JAK1: variants seen among roughly 807,000 people sequenced by gnomAD.
JAK1 encodes the protein Janus kinase 1.
JAK1 carries 16 observed loss-of-function variants against 136.6 expected under a neutral mutation model. The ratio of observed to expected loss-of-function variants is 0.12; its 90% CI spans 0.08 to 0.18. The LOEUF is 0.18. JAK1 is among the 10% of genes least tolerant of loss of function. The probability of loss-of-function intolerance (pLI) is 1.00; values close to 1 mark genes in which losing one functional copy is unlikely to be tolerated. For synonymous variants in JAK1, 492 were observed against 519.5 expected, an observed-to-expected ratio of 0.95 and a Z score of 0.72; for missense variants, 859 against 1,450.1, an observed-to-expected ratio of 0.59 and a Z score of 6.62.
At chr1:64,861,893 G>A (rs527300472) in intron 8 of JAK1, among the ~76,000 whole-genome samples, 14 of 152,018 alleles carry the variant, frequency 9.2e-5, no homozygotes, top group South Asian at 2.1e-4. Context: ...AATTCAAGAT[G>A]CTCTGAACAA....
intron 1 of JAK1, among the ~76,000 whole-genome samples, chr1:65,049,516 CT>C (rs981395663): frequency 3.3e-5 from 5 of 152,162 alleles, no homozygotes; most frequent in African/African-American, 7.2e-5. Flanking sequence ...AGGTTGGTCC[CT>C]AGAAGAACCA....
intron 2 of JAK1, chr1:64,989,541 G>A (rs564216308): frequency 3.3e-5 from 3 of 89,770 alleles, no homozygotes; most frequent in South Asian, 3.3e-4. Flanking sequence ...TGTGTAGATC[G>A]GTTTTAACCT....
chr1:65,032,992 G>C (rs187606462), intron 2 of JAK1, among the ~76,000 whole-genome samples: 1 of 152,188 alleles, frequency 6.6e-6, no homozygotes, highest in Non-Finnish European at 1.5e-5. Context: ...TGAGCTATTA[G>C]CGAGACTTCC....
chr1:64,840,226 G>A (rs532278675), intron 19 of JAK1, among the ~76,000 whole-genome samples: 20 of 152,310 alleles, frequency 1.3e-4, no homozygotes, highest in African/African-American at 2.4e-4. Flanking sequence ...ACCTGACAGC[G>A]ACAGTGGTGG....
chr1:64,917,112 C>T (rs946951105), intron 1 of JAK1, among the ~76,000 whole-genome samples: 2 of 151,946 alleles, frequency 1.3e-5, no homozygotes, highest in African/African-American at 4.8e-5. Context: ...AATTTCATAA[C>T]ATTGGAAACA....
intron 1 of JAK1, among the ~76,000 whole-genome samples, chr1:64,902,981 T>C (rs1235653085): frequency 6.6e-6 from 1 of 152,170 alleles, no homozygotes; most frequent in African/African-American, 2.4e-5. Context: ...CCCGTTTTCT[T>C]AATTCCTTCT....
At chr1:64,915,141 T>C (rs1330883140) in intron 1 of JAK1, among the ~76,000 whole-genome samples, 2 of 152,144 alleles carry the variant, frequency 1.3e-5, no homozygotes, top group Non-Finnish European at 2.9e-5. Flanking sequence ...CCAGCTAAAA[T>C]GGCAGATTGA....
chr1:64,893,035 A>C (rs1423949447), intron 1 of JAK1, among the ~76,000 whole-genome samples: 1 of 152,162 alleles, frequency 6.6e-6, no homozygotes, highest in Admixed American at 6.5e-5. Flanking sequence ...AGAGGACACA[A>C]GGGCCATGCT....
chr1:65,045,343 G>GAGA (rs1237154525), intron 1 of JAK1, among the ~76,000 whole-genome samples: 1 of 152,130 alleles, frequency 6.6e-6, no homozygotes, highest in African/African-American at 2.4e-5. Context: ...TTCTGCTTAG[G>GAGA]TAATTTGGTC....
chr1:65,027,195 C>T (rs979286478), intron 2 of JAK1, among the ~76,000 whole-genome samples: 5 of 151,502 alleles, frequency 3.3e-5, no homozygotes, highest in Non-Finnish European at 5.9e-5. Flanking sequence ...TACAGGTGCA[C>T]ACCACCACAC....
In JAK1 at chr1:64,857,725, G is replaced by A. The variant is rs372716571; in HGVS notation, c.1389C>T (p.Tyr463=). Residue 463 remains tyrosine (Y), a synonymous_variant, in exon 10 of 25, where the codon TAC becomes TAT. Transcript: ENST00000342505. ...AGTCGGTGCAGCTCCACCTCAGCAC[G>A]TACATCCCCTCCTCGCTTCCTTCTT... ...LRQEGSEEGM[Y]VLRWSCTDFD... is the part of the protein sequence containing the mutation. The A allele has an allele frequency of 1.3e-4, 215 of 1,614,048 alleles. No homozygotes were observed. The highest frequency in any genetic ancestry group is 1.7e-4 in the Non-Finnish European group (197 of 1,180,026).
intron 24 of JAK1, among the ~76,000 whole-genome samples, chr1:64,835,126 A>G (rs1420375205): frequency 6.6e-6 from 1 of 152,216 alleles, no homozygotes; most frequent in Non-Finnish European, 1.5e-5. Flanking sequence ...CTAAGGCTAC[A>G]CCAAAACCTG....
chr1:65,039,424 T>A (rs1340335797), intron 2 of JAK1, among the ~76,000 whole-genome samples: 1 of 152,192 alleles, frequency 6.6e-6, no homozygotes, highest in Non-Finnish European at 1.5e-5. Flanking sequence ...TTATATGTGT[T>A]ATTTAGTCCT....
At chr1:64,928,807 A>AAAAAAAAAAAAAC in intron 1 of JAK1, among the ~76,000 whole-genome samples, 1 of 149,406 alleles carries the variant, frequency 6.7e-6, no homozygotes, top group Non-Finnish European at 1.5e-5. Context: ...CAAAAAAAAA[A>AAAAAAAAAAAAAC]AACTCTGCAA....
At chr1:64,842,974 C>T (rs577051518) in intron 17 of JAK1, among the ~76,000 whole-genome samples, 27 of 152,250 alleles carry the variant, frequency 1.8e-4, no homozygotes, top group African/African-American at 5.3e-4. Context: ...CTGAGAGACT[C>T]GGGGCCCCTG....
At chr1:64,899,053 T>C (rs989070229) in intron 1 of JAK1, among the ~76,000 whole-genome samples, 5 of 152,248 alleles carry the variant, frequency 3.3e-5, no homozygotes, top group African/African-American at 1.2e-4. Flanking sequence ...AATAATTATA[T>C]ACTTTTTACA....
intron 1 of JAK1, among the ~76,000 whole-genome samples, chr1:64,894,417 C>T (rs1399886880): frequency 6.6e-6 from 1 of 152,116 alleles, no homozygotes; most frequent in African/African-American, 2.4e-5. Flanking sequence ...AGTCTATGCA[C>T]CAAAGGTACT....
At chr1:64,892,028 T>G (rs1027390938) in intron 1 of JAK1, among the ~76,000 whole-genome samples, 1 of 152,282 alleles carries the variant, frequency 6.6e-6, no homozygotes, top group Non-Finnish European at 1.5e-5. Flanking sequence ...AGTACTTTGC[T>G]TAAAGTCAGT....
chr1:64,867,841 G>A (rs1160804710), intron 6 of JAK1, among the ~76,000 whole-genome samples: 1 of 151,986 alleles, frequency 6.6e-6, no homozygotes, highest in Non-Finnish European at 1.5e-5. Context: ...AAATATAAAA[G>A]TAGCCAGGTA....
Sources: allele counts gnomAD v4.1 joint callset (sites outside exome capture counted in the v4.1 genomes callset), GRCh38; gene constraint gnomAD v4.1.1; transcripts MANE v1.5; gene names NCBI Gene and HGNC (gene_info 2026-07-23, HGNC 2026-07-21).